CDH8: variants seen among roughly 807,000 people sequenced by gnomAD.
CDH8 encodes cadherin-8.
Under a neutral mutation model 68.1 loss-of-function variants are expected in CDH8, and 17 were observed. The ratio of observed to expected loss-of-function variants is 0.25; its 90% CI spans 0.17 to 0.37. The LOEUF (loss-of-function observed/expected upper bound fraction) is 0.37. Ranked by LOEUF, CDH8 falls within the 10% of genes least tolerant of loss-of-function variation. The pLI, the probability that CDH8 is intolerant of heterozygous loss-of-function variation, is 1.00. For missense variants in CDH8, 763 were observed against 999.3 expected (o/e 0.76, Z 3.19); for synonymous variants, 372 against 365.1 (o/e 1.02, Z -0.21).
chr16:61,666,394 T>TTAGA (rs1567411122), intron 10 of CDH8, among the ~76,000 whole-genome samples: 3 of 152,122 alleles, frequency 2.0e-5, no homozygotes, highest in African/African-American at 7.2e-5. Context: ...CACATATTTT[T>TTAGA]TAGATAGAAT....
chr16:61,743,570 AGGT>A (rs1473070046), intron 8 of CDH8: 2 of 152,216 alleles, frequency 1.3e-5, no homozygotes, highest in Non-Finnish European at 2.9e-5. Context: ...TTCCCTTGCA[AGGT>A]TTTATCAATT....
chr16:61,981,491 G>T (rs1489788045), intron 2 of CDH8, among the ~76,000 whole-genome samples: 2 of 152,082 alleles, frequency 1.3e-5, no homozygotes, highest in African/African-American at 2.4e-5. Flanking sequence ...AATGATACAG[G>T]GAAAGAGTCT....
At chr16:61,915,660 T>C (rs570785859) in intron 2 of CDH8, among the ~76,000 whole-genome samples, 3 of 152,296 alleles carry the variant, frequency 2.0e-5, no homozygotes, top group African/African-American at 7.2e-5. Context: ...GTTTGCTCAA[T>C]AGTCTTGCGA....
At chr16:61,956,247 T>C (rs1431298686) in intron 2 of CDH8, among the ~76,000 whole-genome samples, 1 of 152,184 alleles carries the variant, frequency 6.6e-6, no homozygotes, top group Non-Finnish European at 1.5e-5. Flanking sequence ...GTTAAAAATC[T>C]CTTCTGATCT....
chr16:61,980,102 C>G (rs1350604076), intron 2 of CDH8, among the ~76,000 whole-genome samples: 1 of 152,162 alleles, frequency 6.6e-6, no homozygotes, highest in Non-Finnish European at 1.5e-5. Flanking sequence ...AAAGCCCACA[C>G]AGGGTTCTAC....
At chr16:61,997,605 T>C (rs913073182) in intron 2 of CDH8, among the ~76,000 whole-genome samples, 1 of 152,122 alleles carries the variant, frequency 6.6e-6, no homozygotes, top group East Asian at 1.9e-4. Context: ...AAATTACTTA[T>C]TAATAACAAA....
intron 2 of CDH8, among the ~76,000 whole-genome samples, chr16:61,905,600 A>G (rs1409073132): frequency 6.6e-6 from 1 of 152,168 alleles, no homozygotes; most frequent in South Asian, 2.1e-4. Flanking sequence ...ACTTTCCCAG[A>G]GAGTTTATAA....
At chr16:61,689,081 G>A (rs1964165844) in intron 10 of CDH8, among the ~76,000 whole-genome samples, 1 of 151,936 alleles carries the variant, frequency 6.6e-6, no homozygotes, top group Admixed American at 6.6e-5. Flanking sequence ...AGGAAGAGCA[G>A]GAAATGAGAA....
chr16:61,854,375 T>C (rs569351842), intron 4 of CDH8, among the ~76,000 whole-genome samples: 2 of 152,194 alleles, frequency 1.3e-5, no homozygotes, highest in South Asian at 4.1e-4. Context: ...ATGAGACTCC[T>C]TTTAAGAGTA....
chr16:61,713,988 C>G, intron 9 of CDH8, 30 bp from the exon 10 acceptor site: 1 of 1,314,366 alleles, frequency 7.6e-7, no homozygotes. Context: ...GTCAGCATTT[C>G]TGATGATTTC....
intron 1 of CDH8, among the ~76,000 whole-genome samples, chr16:62,023,162 T>G (rs1902114420): frequency 6.6e-6 from 1 of 152,104 alleles, no homozygotes; most frequent in South Asian, 2.1e-4. Context: ...CTAAACAAAA[T>G]TCAAAAAGCC....
chr16:61,794,771 T>C (rs976556570), intron 7 of CDH8, among the ~76,000 whole-genome samples: 13 of 152,080 alleles, frequency 8.5e-5, no homozygotes, highest in African/African-American at 2.9e-4. Context: ...CCAACTTTTC[T>C]AACCAAAATC....
intron 1 of CDH8, among the ~76,000 whole-genome samples, chr16:62,027,727 T>TG (rs1391120473): frequency 6.6e-6 from 1 of 152,188 alleles, no homozygotes; most frequent in Non-Finnish European, 1.5e-5. Context: ...CCTGGCTGAA[T>TG]GGGGCTGAGC....
At chr16:61,923,747 TG>T (rs1259609978) in intron 2 of CDH8, among the ~76,000 whole-genome samples, 1 of 147,746 alleles carries the variant, frequency 6.8e-6, no homozygotes, top group Non-Finnish European at 1.5e-5. Flanking sequence ...ATACATCACA[TG>T]TATATATATT....
At position 61,727,308 on chromosome 16, in the gene CDH8, A is replaced by C; in HGVS notation, c.1415-93T>G. 3.8e-6 allele frequency: 5 copies of C among 1,299,582 alleles called. No homozygotes were observed. In the Admixed American group the frequency reaches 1.1e-4, roughly 29 times the overall value. The allele number at this position is 1,299,582 out of a possible 1,614,324, so 80.5% of individuals were successfully genotyped here. A position where few individuals can be genotyped will look rare whatever the true frequency, so the allele number is the denominator to read the frequency against. On this transcript the variant is annotated intron_variant, in intron 8 of 11. Coordinates refer to ENST00000577390, the MANE Select transcript of CDH8 (RefSeq NM_001796.5). ...TTGAAAGCATGTGTGTCTGTTTCCAACTTCCCTTAATTAGGATGTTTTCAA... is the reference window on the plus strand; with the variant it reads ...TTGAAAGCATGTGTGTCTGTTTCCACCTTCCCTTAATTAGGATGTTTTCAA...
chr16:61,732,372 C>CA (rs1959561969), intron 8 of CDH8, among the ~76,000 whole-genome samples: 1 of 151,630 alleles, frequency 6.6e-6, no homozygotes, highest in Non-Finnish European at 1.5e-5. Flanking sequence ...GGTGAACAAA[C>CA]AAACAAACAA....
chr16:61,698,866 G>A (rs1964373639), intron 10 of CDH8, among the ~76,000 whole-genome samples: 1 of 152,114 alleles, frequency 6.6e-6, no homozygotes, highest in Non-Finnish European at 1.5e-5. Flanking sequence ...CCTTAGCTGG[G>A]TGATGCTCTT....
intron 10 of CDH8, among the ~76,000 whole-genome samples, chr16:61,703,748 G>A (rs1183268404): frequency 1.3e-5 from 2 of 152,162 alleles, no homozygotes; most frequent in African/African-American, 4.8e-5. Context: ...GCTGAGGCAG[G>A]AGAATGGCGT....
chr16:62,011,026 A>T (rs2150604157), intron 2 of CDH8, among the ~76,000 whole-genome samples: 1 of 147,102 alleles, frequency 6.8e-6, no homozygotes, highest in South Asian at 2.1e-4. Flanking sequence ...TCAACCACAT[A>T]TTCACAGAAA....
Sources: gnomAD v4.1 joint callset for allele counts (sites outside exome capture counted in the v4.1 genomes callset) on GRCh38, gnomAD v4.1.1 for gene constraint, MANE v1.5 for transcripts, NCBI Gene and HGNC (gene_info 2026-07-23, HGNC 2026-07-21) for gene names.